The following WDR72 variants were observed in gnomAD, a reference collection of about 807,000 sequenced individuals.
The protein encoded by WDR72 is WD repeat domain 72, also known as WD repeat-containing protein 72.
Under a neutral mutation model 124.2 loss-of-function variants are expected in WDR72, and 120 were observed. The ratio of observed to expected loss-of-function variants is 0.97; its 90% CI spans 0.83 to 1.12. The LOEUF (loss-of-function observed/expected upper bound fraction) is 1.12. WDR72 is among the 50% of genes most tolerant of loss of function. WDR72 has a pLI of 0.00. For missense variants in WDR72, 1,387 were observed against 1,278.8 expected (o/e 1.08, Z -1.29); for synonymous variants, 452 against 441.7 (o/e 1.02, Z -0.29).
intron 13 of WDR72, among the ~76,000 whole-genome samples, chr15:53,696,259 A>C (rs147645170): frequency 7.2e-5 from 11 of 152,346 alleles, no homozygotes; most frequent in African/African-American, 2.6e-4. Context: ...GAGAATAGTA[A>C]AACTAAAAGG....
At chr15:53,691,130 G>A (rs1367749821) in intron 13 of WDR72, among the ~76,000 whole-genome samples, 3 of 152,086 alleles carry the variant, frequency 2.0e-5, no homozygotes, top group Non-Finnish European at 4.4e-5. Context: ...GCTCACTGCA[G>A]CCTCAACCTC....
intron 13 of WDR72, among the ~76,000 whole-genome samples, chr15:53,669,523 T>C (rs983659805): frequency 6.6e-6 from 1 of 152,204 alleles, no homozygotes; most frequent in Non-Finnish European, 1.5e-5. Flanking sequence ...TTCTTTATGA[T>C]AGTTAACAAT....
At chr15:53,729,564 G>A (rs2459381) in intron 2 of WDR72, among the ~76,000 whole-genome samples, 9,374 of 151,446 alleles carry the variant, frequency 0.062, 990 homozygotes, top group African/African-American at 0.22. Flanking sequence ...CTTTCCAGAT[G>A]AGCCTGTCAC....
At chr15:53,574,463 T>C (rs930251869) in intron 18 of WDR72, among the ~76,000 whole-genome samples, 2 of 152,186 alleles carry the variant, frequency 1.3e-5, no homozygotes, top group African/African-American at 2.4e-5. Context: ...ATTGAACTTA[T>C]GTTCTTCAAT....
intron 16 of WDR72, among the ~76,000 whole-genome samples, chr15:53,610,507 T>C (rs1043654476): frequency 2.6e-5 from 4 of 152,004 alleles, no homozygotes; most frequent in African/African-American, 9.7e-5. Flanking sequence ...TGGTATCAAC[T>C]ATTTAAATTA....
At chr15:53,555,659 A>G (rs1893903024) in intron 18 of WDR72, among the ~76,000 whole-genome samples, 1 of 152,018 alleles carries the variant, frequency 6.6e-6, no homozygotes, top group African/African-American at 2.4e-5. Flanking sequence ...ATTTCACCCT[A>G]TCACCCATAA....
chr15:53,671,400 T>C (rs1018753530), intron 13 of WDR72, among the ~76,000 whole-genome samples: 7 of 152,214 alleles, frequency 4.6e-5, no homozygotes, highest in Non-Finnish European at 1.0e-4. Context: ...CTTCACTTTA[T>C]AGAACTTATC....
intron 13 of WDR72, among the ~76,000 whole-genome samples, chr15:53,683,416 A>G (rs1244117885): frequency 6.6e-6 from 1 of 152,162 alleles, no homozygotes; most frequent in Admixed American, 6.5e-5. Context: ...TGATCATTAC[A>G]TATACTGGCA....
intron 18 of WDR72, among the ~76,000 whole-genome samples, chr15:53,568,072 G>GTTTTTTTTTTTTT (rs66751840): frequency 7.2e-6 from 1 of 138,048 alleles, no homozygotes; most frequent in Non-Finnish European, 1.6e-5. Context: ...TTTTTGTCTT[G>GTTTTTTTTTTTTT]TTTTTTTTTT....
At chr15:53,663,512 C>T (rs1056969974) in intron 14 of WDR72, among the ~76,000 whole-genome samples, 9 of 151,952 alleles carry the variant, frequency 5.9e-5, no homozygotes, top group African/African-American at 2.2e-4. Context: ...ATTACCACTA[C>T]CTAAAGAGTA....
At chr15:53,523,197 C>T (rs1284468809) in intron 19 of WDR72, 21 bp downstream of exon 19, 1 of 1,608,696 alleles carries the variant, frequency 6.2e-7, no homozygotes, top group East Asian at 2.2e-5. Context: ...TTATACTTGA[C>T]TATTTTTAAA....
intron 14 of WDR72, among the ~76,000 whole-genome samples, chr15:53,631,947 A>C (rs930695483): frequency 6.6e-6 from 1 of 152,226 alleles, no homozygotes; most frequent in Admixed American, 6.5e-5. Flanking sequence ...TAGAGCATAT[A>C]AGTGTGGAAA....
chr15:53,723,251 T>C (rs2017928889), intron 2 of WDR72, among the ~76,000 whole-genome samples: 1 of 152,174 alleles, frequency 6.6e-6, no homozygotes, highest in African/African-American at 2.4e-5. Context: ...CACATTAATG[T>C]TCAGAGTTCA....
At chr15:53,634,398 G>C (rs1390780435) in intron 14 of WDR72, among the ~76,000 whole-genome samples, 1 of 152,180 alleles carries the variant, frequency 6.6e-6, no homozygotes, top group Non-Finnish European at 1.5e-5. Context: ...TAACCCAGTG[G>C]TGTCAAATCT....
chr15:53,740,091 CT>C (rs1449837174), intron 1 of WDR72, among the ~76,000 whole-genome samples: 2 of 152,090 alleles, frequency 1.3e-5, no homozygotes, highest in African/African-American at 4.8e-5. Context: ...AAATTAGCTT[CT>C]CTTACTTGAA....
intron 14 of WDR72, chr15:53,652,208 T>C (rs1025442738): frequency 3.3e-5 from 5 of 152,004 alleles, no homozygotes; most frequent in African/African-American, 1.2e-4. Context: ...GTACGAGAAA[T>C]TATGGAAGAG....
chr15:53,741,466 C>T (rs376971161), intron 1 of WDR72, among the ~76,000 whole-genome samples: 8 of 152,118 alleles, frequency 5.3e-5, no homozygotes, highest in East Asian at 3.9e-4. Context: ...CATTTATAAC[C>T]GTTATTACCA....
intron 13 of WDR72, among the ~76,000 whole-genome samples, chr15:53,672,355 G>A (rs1055145531): frequency 2.7e-5 from 4 of 149,856 alleles, no homozygotes; most frequent in African/African-American, 9.8e-5. Flanking sequence ...GGAGTGAGCT[G>A]TTTCAGGAGA....
chr15:53,527,604 T>C (rs1892198607), intron 18 of WDR72, among the ~76,000 whole-genome samples: 1 of 152,060 alleles, frequency 6.6e-6, no homozygotes, highest in African/African-American at 2.4e-5. Context: ...TAGATCTCAT[T>C]CGTCATCTGT....
Sources: gnomAD v4.1 joint callset for allele counts (sites outside exome capture counted in the v4.1 genomes callset) on GRCh38, gnomAD v4.1.1 for gene constraint, MANE v1.5 for transcripts, NCBI Gene and HGNC (gene_info 2026-07-23, HGNC 2026-07-21) for gene names.